The following TRPV4 variants were observed in gnomAD, a reference collection of about 807,000 sequenced individuals.
The protein encoded by TRPV4 is OSM9-like transient receptor potential channel 4.
TRPV4 carries 58 observed loss-of-function variants against 84.1 expected under a neutral mutation model. The ratio of observed to expected loss-of-function variants is 0.69; its 90% CI spans 0.56 to 0.86. TRPV4 has a LOEUF of 0.86. Among genes scored for constraint, TRPV4 ranks in the 40% least tolerant of loss-of-function variants. TRPV4 has a pLI of 0.00. For missense variants in TRPV4, 879 were observed against 1,181.1 expected (o/e 0.74, Z 3.75); for synonymous variants, 489 against 500.9 (o/e 0.98, Z 0.32).
intron 1 of TRPV4, among the ~76,000 whole-genome samples, chr12:109,823,631 T>C (rs1239076131): frequency 1.3e-5 from 2 of 151,988 alleles, no homozygotes; most frequent in African/African-American, 2.4e-5. Flanking sequence ...GAAAGCAGAT[T>C]AGTTGTTGCC....
chr12:109,791,578 G>A (rs1374300211), intron 12 of TRPV4, among the ~76,000 whole-genome samples: 1 of 148,756 alleles, frequency 6.7e-6, no homozygotes, highest in African/African-American at 2.5e-5. Flanking sequence ...CACCCCCTGG[G>A]TTCAAGCGAT....
At chr12:109,831,166 C>T (rs1448659957) in intron 1 of TRPV4, among the ~76,000 whole-genome samples, 2 of 152,220 alleles carry the variant, frequency 1.3e-5, no homozygotes, top group Non-Finnish European at 2.9e-5. Context: ...AGAACTATTT[C>T]TCTGCTCTAT....
rs1027923509 is a variant in TRPV4, at chr12:109,815,763, C to T, written c.-31-936G>A. Among the ~76,000 whole-genome samples, 5 of 152,266 alleles carry T rather than the reference C, an allele frequency of 3.3e-5. No homozygotes were observed. The highest frequency in any genetic ancestry group is 1.2e-4 in the African/African-American group (5 of 41,472). On this transcript the variant is annotated intron_variant, in intron 1 of 15. Coordinates refer to ENST00000261740, the MANE Select transcript of TRPV4 (RefSeq NM_021625.5). The surrounding 1 kb of genome is among the most constrained non-coding windows in gnomAD (Gnocchi z 4.1). ...TGTCTTGTCCATCCCTGAGTCCTCACACAAATGAAAAACTTTATGACAAAG... is the reference window on the plus strand; with the variant it reads ...TGTCTTGTCCATCCCTGAGTCCTCATACAAATGAAAAACTTTATGACAAAG...
intron 4 of TRPV4, among the ~76,000 whole-genome samples, chr12:109,801,367 A>G (rs1015034094): frequency 6.6e-6 from 1 of 152,198 alleles, no homozygotes; most frequent in Non-Finnish European, 1.5e-5. Flanking sequence ...TAATTTAATC[A>G]TGGGGGCAGT....
rs1891770295 is a variant in TRPV4 at position 109,814,864 on chromosome 12, G to C, written c.-31-37C>G. On this transcript the variant is annotated intron_variant, in intron 1 of 15. Transcript: ENST00000261740. This position sits in a 1 kb window ranked among gnomAD's most constrained non-coding sequence, Gnocchi z 5.4. ...TGAAAGGGGAGTCAGGCAGAACCCG[G>C]CCAGGGGCGGGGGCTCCAGGAAGCC... The C allele has an allele frequency of 1.3e-6, 2 of 1,527,316 alleles. No homozygotes were observed. Among genetic ancestry groups the C allele is most frequent in the Admixed American group, 4.0e-5 (2 of 50,628 alleles). 94.6% of individuals were successfully genotyped at this position (1,527,316 alleles called of 1,614,324 possible).
intron 1 of TRPV4, among the ~76,000 whole-genome samples, chr12:109,820,514 C>CTTTTTTTTTTTTTTTTTTTTTTT (rs1186445597): frequency 4.1e-5 from 5 of 123,154 alleles, no homozygotes; most frequent in Admixed American, 9.2e-5. Context: ...TTCAGCTGCC[C>CTTTTTTTTTTTTTTTTTTTTTTT]TATTTTTTTT....
intron 4 of TRPV4, among the ~76,000 whole-genome samples, chr12:109,801,226 T>C (rs1255311218): frequency 6.6e-6 from 1 of 152,174 alleles, no homozygotes; most frequent in South Asian, 2.1e-4. Context: ...GGCAGGAGGA[T>C]TGCTGAAGCC....
intron 2 of TRPV4, among the ~76,000 whole-genome samples, chr12:109,813,896 T>C (rs1891687783): frequency 1.3e-5 from 2 of 150,802 alleles, no homozygotes; most frequent in African/African-American, 2.4e-5. Flanking sequence ...GGATAGTAGA[T>C]AGATGGACAG....
intron 8 of TRPV4, 138 bp downstream of exon 8, chr12:109,794,191 G>C: frequency 8.1e-7 from 1 of 1,240,474 alleles, no homozygotes; most frequent in Non-Finnish European, 1.1e-6. Context: ...GTGGATGCTG[G>C]AGGGCGCCTC....
At position 109,793,892 on chromosome 12, in the gene TRPV4, G is replaced by A; in HGVS notation, c.1584+38C>T. ...AAGAGGTGCAGGAAGAGAAGAGGAG[G>A]GCAGGCAGGGTGGGGGGCACGGGGG... is the stretch of plus-strand genomic sequence containing the variant. On this transcript the variant is annotated intron_variant, in intron 9 of 15. Coordinates refer to ENST00000261740, the MANE Select transcript of TRPV4 (RefSeq NM_021625.5). This position sits in a 1 kb window ranked among gnomAD's most constrained non-coding sequence, Gnocchi z 4.0. 6.9e-7 allele frequency: 1 copy of A among 1,455,544 alleles called. No individual in the cohort carries two copies. Among genetic ancestry groups the A allele is most frequent in the East Asian group, 2.3e-5 (1 of 43,564 alleles). The allele number at this position is 1,455,544 out of a possible 1,614,324, so 90.2% of individuals were successfully genotyped here.
chr12:109,799,846 G>A (rs1240048497), intron 5 of TRPV4, among the ~76,000 whole-genome samples: 1 of 151,706 alleles, frequency 6.6e-6, no homozygotes, highest in Non-Finnish European at 1.5e-5. Context: ...CTGCAGCCTC[G>A]AACTCCTAGG....
In TRPV4 at chr12:109,795,737, TTTTG is replaced by T. The variant is rs545111350; in HGVS notation, c.1332+784_1332+787del. On this transcript the variant is annotated intron_variant, in intron 7 of 15. Coordinates refer to ENST00000261740, the MANE Select transcript of TRPV4 (RefSeq NM_021625.5). ...TAAGTAGGGAAAAAAAAGCTTGGTT[TTTTG>T]TTTGTTTGTTTGTTTGTTTATTTTG... is the stretch of plus-strand genomic sequence containing the variant. Among the ~76,000 whole-genome samples, 1,143 of 151,992 alleles carry T rather than the reference TTTTG, an allele frequency of 7.5e-3. 2 individuals carry two copies. Among genetic ancestry groups the T allele is most frequent in the Non-Finnish European group, 0.01 (703 of 67,964 alleles).
chr12:109,813,216 C>T (rs1891629723), intron 2 of TRPV4, among the ~76,000 whole-genome samples: 1 of 152,104 alleles, frequency 6.6e-6, no homozygotes, highest in African/African-American at 2.4e-5. Context: ...TCAAGACCAG[C>T]CTGGCCAAGA....
chr12:109,792,285 T>G, intron 12 of TRPV4, 78 bp downstream of exon 12: 2 of 1,147,800 alleles, frequency 1.7e-6, no homozygotes, highest in South Asian at 2.5e-5. Context: ...AAGGCTGCTA[T>G]TGTCCCCTAT....
Position 109,803,835 on chromosome 12 carries a change from T to C in TRPV4, c.560-692A>G, listed in dbSNP as rs138015551. ...CTGGGTTAAACAAAGCCAATCATAA[T>C]TCCTTACTACAGGACTTCTCAGAGC... On this transcript the variant is annotated intron_variant, in intron 3 of 15. Transcript: ENST00000261740. Among the ~76,000 whole-genome samples, 1,516 of 152,304 alleles carry C rather than the reference T, an allele frequency of 1.0e-2. 35 individuals are homozygous for C. The highest frequency in any genetic ancestry group is 0.035 in the African/African-American group (1,434 of 41,564).
chr12:109,800,813 C>T, intron 4 of TRPV4, 55 bp from the exon 5 acceptor site: 1 of 1,279,502 alleles, frequency 7.8e-7, no homozygotes, highest in Non-Finnish European at 1.1e-6. Flanking sequence ...CCTAGCCAGG[C>T]TTGCTGGGGG....
At chr12:109,788,832 G>T in intron 12 of TRPV4, 116 bp from the exon 13 acceptor site, 1 of 1,189,376 alleles carries the variant, frequency 8.4e-7, no homozygotes, top group Non-Finnish European at 1.2e-6. Flanking sequence ...GAGCACGCTG[G>T]CCCACACGCT....
chr12:109,793,985 C>T lies in TRPV4; in HGVS notation c.1529G>A (p.Arg510Gln), dbSNP rs1191951496. Residue 510 changes from arginine (R) to glutamine (Q), a missense_variant, in exon 9 of 16, where the codon CGG becomes CAG. Coordinates refer to ENST00000261740, the MANE Select transcript of TRPV4 (RefSeq NM_021625.5). The surrounding 1 kb of genome is among the most constrained non-coding windows in gnomAD (Gnocchi z 4.0). ...YPYRTTVDYL[R>Q]LAGEVITLFT... ...GAGCGTAATGACCTCGCCAGCCAGC[C>T]GCAGGTAGTCCACCGTGGTGCGGTA... The T allele has an allele frequency of 2.5e-6, 4 of 1,610,446 alleles. No individual in the cohort carries two copies. Among genetic ancestry groups the T allele is most frequent in the Admixed American group, 1.7e-5 (1 of 59,698 alleles).
intron 4 of TRPV4, among the ~76,000 whole-genome samples, chr12:109,800,986 A>G (rs572358377): frequency 6.6e-6 from 1 of 152,374 alleles, no homozygotes; most frequent in East Asian, 1.9e-4. Context: ...GGAATCCTGA[A>G]TGTGAGAAGT....
Sources: allele counts gnomAD v4.1 joint callset (sites outside exome capture counted in the v4.1 genomes callset), GRCh38; gene constraint gnomAD v4.1.1; non-coding constraint Gnocchi (gnomAD v3.1); transcripts MANE v1.5; gene names NCBI Gene and HGNC (gene_info 2026-07-23, HGNC 2026-07-21).